Variants in SYCE1 observed in about 807,000 individuals in gnomAD.
The protein encoded by SYCE1 is cancer/testis antigen 76.
Under a neutral mutation model 55.1 loss-of-function variants are expected in SYCE1, and 37 were observed. That is an observed-to-expected ratio of 0.67 (90% CI 0.52 to 0.88). SYCE1 has a LOEUF of 0.88. SYCE1 is among the 40% of genes least tolerant of loss of function. The pLI is 0.00. For synonymous variants in SYCE1, 163 were observed against 159.4 expected, an observed-to-expected ratio of 1.02 and a Z score of -0.17; for missense variants, 399 against 416.4, an observed-to-expected ratio of 0.96 and a Z score of 0.36.
At chr10:133,568,146 G>A, upstream of SYCE1, 2 of 855,190 alleles carry the variant, frequency 2.3e-6, no homozygotes, top group East Asian at 2.7e-5. Flanking sequence ...CCGACACAGA[G>A]GCACAGGCCG....
intron 1 of SYCE1, 70 bp downstream of exon 1, chr10:133,565,387 C>T (rs2133634420): frequency 1.2e-5 from 17 of 1,373,952 alleles, no homozygotes; most frequent in Non-Finnish European, 1.6e-5. Flanking sequence ...AGCCGCCACC[C>T]GCGCCCCAAC....
chr10:133,564,471 G>C (rs1439684693), intron 1 of SYCE1: 7 of 980,228 alleles, frequency 7.1e-6, no homozygotes, highest in African/African-American at 1.8e-5. Context: ...CGGGCCAGCA[G>C]GTGCTTAATG....
chr10:133,563,860 A>G (rs182644685), intron 1 of SYCE1, among the ~76,000 whole-genome samples: 7 of 152,302 alleles, frequency 4.6e-5, no homozygotes, highest in Middle Eastern at 3.4e-3. Flanking sequence ...GTATGAAGAA[A>G]AAATTGAAAC....
intron 1 of SYCE1, 97 bp downstream of exon 1, chr10:133,565,360 G>T: frequency 1.7e-6 from 2 of 1,142,922 alleles, no homozygotes; most frequent in South Asian, 3.5e-5. Flanking sequence ...GCAGCATCAG[G>T]ACTGACAGGA....
At chr10:133,557,655 A>G (rs895131598) in intron 6 of SYCE1, 12 of 606,026 alleles carry the variant, frequency 2.0e-5, no homozygotes, top group African/African-American at 5.5e-5. Context: ...TTAATTGACA[A>G]TTTAGCAAAT....
chr10:133,568,190 T>G (rs1589975908), upstream of SYCE1: 5 of 1,054,818 alleles, frequency 4.7e-6, no homozygotes, highest in Non-Finnish European at 7.1e-6. Context: ...CCACGTACAG[T>G]AGCTGTAGAT....
upstream of SYCE1, among the ~76,000 whole-genome samples, chr10:133,567,507 G>A (rs1183475460): frequency 6.6e-6 from 1 of 151,968 alleles, no homozygotes; most frequent in African/African-American, 2.4e-5. Flanking sequence ...TTCCTGCTTG[G>A]GAATGTTCCT....
chr10:133,567,021 G>T (rs557342251), upstream of SYCE1, among the ~76,000 whole-genome samples: 15 of 151,944 alleles, frequency 9.9e-5, no homozygotes, highest in Non-Finnish European at 1.5e-4. Context: ...TACGGTTCGG[G>T]CTAGGGTTTT....
chr10:133,556,584 GA>G, intron 8 of SYCE1, 174 bp downstream of exon 8: 1 of 683,222 alleles, frequency 1.5e-6, no homozygotes, highest in Admixed American at 2.3e-5. Context: ...CCTGACCACT[GA>G]GCAGCAGGGT....
intron 4 of SYCE1, 42 bp from the exon 5 acceptor site, chr10:133,558,256 T>C (rs1851736677): frequency 5.6e-6 from 9 of 1,606,090 alleles, no homozygotes; most frequent in African/African-American, 1.3e-5. Flanking sequence ...GACTATGCAC[T>C]GCACCCTCAG....
chr10:133,557,383 CAT>C lies in SYCE1; in HGVS notation c.375-229_375-228del, dbSNP rs1177811847. ...ATGGTTAAGTGAGCAAATGCACACACATCTTAGTATCATCTCGTTTTCCCAAA... is the reference window on the plus strand; with the variant it reads ...ATGGTTAAGTGAGCAAATGCACACACCTTAGTATCATCTCGTTTTCCCAAA... On this transcript the variant is annotated intron_variant, in intron 6 of 12. Coordinates refer to ENST00000343131, the MANE Select transcript of SYCE1 (RefSeq NM_001143764.3). The C allele has an allele frequency of 1.2e-5, 7 of 567,480 alleles. No homozygotes were observed. The African/African-American group carries it at 1.3e-4, about 11-fold the overall frequency. The allele number at this position is 567,480 out of a possible 1,614,324, so 35.2% of individuals were successfully genotyped here. A position where few individuals can be genotyped will look rare whatever the true frequency, so the allele number is the denominator to read the frequency against.
In SYCE1 at chr10:133,563,231, A is replaced by C. The variant is rs117745376; in HGVS notation, c.73+2226T>G. On this transcript the variant is annotated intron_variant, in intron 1 of 12. Transcript: ENST00000343131. Reference sequence around the variant, plus strand: ...ATCTTATTTTCTAAGACTATGTCCTAAGTAATTCTGGATATGGCTAATGGG... The same window carrying C: ...ATCTTATTTTCTAAGACTATGTCCTCAGTAATTCTGGATATGGCTAATGGG... Among the ~76,000 whole-genome samples the C allele has an allele frequency of 1.6e-4, 25 of 152,336 alleles. No individual in the cohort carries two copies. In the East Asian group the frequency reaches 4.8e-3, roughly 29 times the overall value.
chr10:133,562,261 ATGTGTGTG>A (rs59050384), intron 1 of SYCE1, among the ~76,000 whole-genome samples: 3,749 of 142,888 alleles, frequency 0.026, 73 homozygotes, highest in African/African-American at 0.065. Flanking sequence ...CTAACATCCA[ATGTGTGTG>A]TGTGTGTGTG....
At chr10:133,567,528 A>T (rs551858139), upstream of SYCE1, among the ~76,000 whole-genome samples, 1 of 151,906 alleles carries the variant, frequency 6.6e-6, no homozygotes, top group African/African-American at 2.4e-5. Context: ...GGGCTGTGAG[A>T]TCCACTCTTC....
At chr10:133,567,794 G>C, upstream of SYCE1, 2 of 346,936 alleles carry the variant, frequency 5.8e-6, no homozygotes, top group South Asian at 2.2e-5. Flanking sequence ...GTTGGTACAG[G>C]AGCCACAGGC....
Position 133,555,426 on chromosome 10 carries a change from C to T in SYCE1, c.843G>A (p.Glu281=), listed in dbSNP as rs1313586729. ...GGACTTGCATTCCATGCTTTTCCAGCTCTTCCTTCAGCCTGGACAGGAAGA... is the reference window on the plus strand; with the variant it reads ...GGACTTGCATTCCATGCTTTTCCAGTTCTTCCTTCAGCCTGGACAGGAAGA... ...QQQKRQRLKE[E]LEKHGMQVPA... Residue 281 remains glutamate (E), a synonymous_variant, in exon 12 of 13, where the codon GAG becomes GAA. Coordinates refer to ENST00000343131, the MANE Select transcript of SYCE1 (RefSeq NM_001143764.3). 6.2e-7 allele frequency: 1 copy of T among 1,613,952 alleles called. No homozygotes were observed. The highest frequency in any genetic ancestry group is 8.5e-7 in the Non-Finnish European group (1 of 1,180,038).
Position 133,556,033 on chromosome 10 carries a change from C to T in SYCE1, c.543G>A (p.Leu181=), listed in dbSNP as rs1851674412. The change falls in exon 9 of 13, where the codon CTG becomes CTA. Residue 181 remains leucine, a synonymous_variant. Coordinates refer to ENST00000343131, the MANE Select transcript of SYCE1 (RefSeq NM_001143764.3). The stretch of plus-strand genomic sequence containing the variant: ...TGTCCAGGGCACAAATCTCCTTTGC[C>T]AGCCGCTCTGGCATCTGAGGGGCAG... ...DLWDFHMPER[L]AKEICALDSS... The T allele has an allele frequency of 3.7e-6, 6 of 1,613,942 alleles. No homozygotes were observed. The highest frequency in any genetic ancestry group is 3.3e-5 in the Admixed American group (2 of 60,020).
At chr10:133,562,729 T>C (rs180898551) in intron 1 of SYCE1, among the ~76,000 whole-genome samples, 12 of 152,322 alleles carry the variant, frequency 7.9e-5, no homozygotes, top group Admixed American at 6.5e-4. Context: ...TTAATGTTTT[T>C]TAAGTACACT....
chr10:133,554,585 G>A, downstream of SYCE1: 1 of 678,414 alleles, frequency 1.5e-6, no homozygotes, highest in Non-Finnish European at 2.7e-6. Flanking sequence ...TAACCAGTGG[G>A]GACTACCATA....
Sources: gnomAD v4.1 joint callset for allele counts (sites outside exome capture counted in the v4.1 genomes callset) on GRCh38, gnomAD v4.1.1 for gene constraint, MANE v1.5 for transcripts, NCBI Gene and HGNC (gene_info 2026-07-23, HGNC 2026-07-21) for gene names.